The following METAP1D variants were observed in gnomAD, a reference collection of about 807,000 sequenced individuals.
METAP1D encodes the protein methionine aminopeptidase 1D, mitochondrial.
A neutral mutation model predicts 40.5 loss-of-function variants in METAP1D; 31 were observed. That is an observed-to-expected ratio of 0.77 (90% CI 0.58 to 1.03). The LOEUF (loss-of-function observed/expected upper bound fraction) is 1.03, where lower values mean the gene tolerates loss of function less well. METAP1D is among the 50% of genes least tolerant of loss of function. The pLI, the probability that METAP1D is intolerant of heterozygous loss-of-function variation, is 0.00. For synonymous variants in METAP1D, 151 were observed against 146.4 expected (o/e 1.03, Z -0.22); for missense variants, 411 against 420.7 (o/e 0.98, Z 0.20).
At chr2:172,021,071 A>G (rs62183813) in intron 1 of METAP1D, among the ~76,000 whole-genome samples, 36,232 of 152,086 alleles carry the variant, frequency 0.24, 5,000 homozygotes, top group Middle Eastern at 0.38. Context: ...GTACTTGTCT[A>G]CAAGGCAGAG....
At chr2:172,013,823 CTTTTTTTTTTTT>C (rs35639666) in intron 1 of METAP1D, among the ~76,000 whole-genome samples, 6 of 127,824 alleles carry the variant, frequency 4.7e-5, no homozygotes, top group South Asian at 5.0e-4. Flanking sequence ...CTTTTTTTTT[CTTTTTTTTTTTT>C]TTTGAGACAG....
chr2:172,021,583 T>A (rs1392602926), intron 1 of METAP1D, among the ~76,000 whole-genome samples: 2 of 152,210 alleles, frequency 1.3e-5, no homozygotes, highest in Non-Finnish European at 2.9e-5. Context: ...GTGGGGTGTT[T>A]ACACAAAGGT....
chr2:172,076,572 G>A (rs1025605751), intron 6 of METAP1D, among the ~76,000 whole-genome samples: 2 of 152,214 alleles, frequency 1.3e-5, no homozygotes, highest in Non-Finnish European at 2.9e-5. Context: ...TGCACTAACA[G>A]TTACATCAAA....
At chr2:172,074,235 C>T (rs1690491873) in intron 6 of METAP1D, among the ~76,000 whole-genome samples, 1 of 152,074 alleles carries the variant, frequency 6.6e-6, no homozygotes, top group Admixed American at 6.5e-5. Context: ...ATAATTTAAA[C>T]TTGTAAATGT....
chr2:172,005,889 A>G (rs994487454), intron 1 of METAP1D, among the ~76,000 whole-genome samples: 1 of 152,062 alleles, frequency 6.6e-6, no homozygotes, highest in East Asian at 1.9e-4. Context: ...CTGTACTACA[A>G]ATAGTTCTGT....
At chr2:172,014,778 G>A (rs924448699) in intron 1 of METAP1D, among the ~76,000 whole-genome samples, 2 of 151,648 alleles carry the variant, frequency 1.3e-5, no homozygotes, top group East Asian at 1.9e-4. Context: ...TCAGCCTCCC[G>A]AGTAGCTGGG....
rs1392581462 is a variant in METAP1D, at chr2:172,045,805, G to A, written c.41-15693G>A. ...TGTATGTATATGTATATATGTGTGT[G>A]TGTGTGTGTGTGTGTATATATATAT... On this transcript the variant is annotated intron_variant, in intron 1 of 9. Coordinates refer to ENST00000315796, the MANE Select transcript of METAP1D (RefSeq NM_199227.3). 1.7e-4 allele frequency among the ~76,000 whole-genome samples: 5 copies of A among 29,810 alleles called. No individual in the cohort carries two copies. The South Asian group carries it at 5.4e-3, about 32-fold the overall frequency. 19.6% of individuals were successfully genotyped at this position (29,810 alleles called of 152,430 possible). A position where few individuals can be genotyped will look rare whatever the true frequency, so the allele number is the denominator to read the frequency against.
chr2:172,023,117 G>A (rs1375998834), intron 1 of METAP1D, among the ~76,000 whole-genome samples: 1 of 152,212 alleles, frequency 6.6e-6, no homozygotes, highest in African/African-American at 2.4e-5. Flanking sequence ...GAACCCAGGA[G>A]GCGGAGGTTG....
chr2:172,048,928 G>A (rs1213900688), intron 1 of METAP1D, among the ~76,000 whole-genome samples: 4 of 152,120 alleles, frequency 2.6e-5, no homozygotes, highest in African/African-American at 7.2e-5. Context: ...CAGATAAAGA[G>A]TACATGTTTT....
chr2:172,007,856 AT>A (rs2105374243), intron 1 of METAP1D, among the ~76,000 whole-genome samples: 2 of 152,008 alleles, frequency 1.3e-5, no homozygotes, highest in South Asian at 4.2e-4. Context: ...CACCCGGCTA[AT>A]TTTTGTATTT....
chr2:172,063,820 T>A lies in METAP1D; in HGVS notation c.308T>A (p.Leu103Gln). ...QIQGLHQACQLARHVLLLAGK... is the reference protein window; with the variant it reads ...QIQGLHQACQQARHVLLLAGK... ...CAAGGGCTTCATCAGGCTTGTCAGC[T>A]GGCCCGCCACGTCCTCCTCTTGGCT... The change falls in exon 3 of 10, where the codon CTG (leucine) becomes CAG (glutamine). Residue 103 changes from leucine (L) to glutamine (Q), a missense_variant. By Grantham distance (113) the Leu-to-Gln change is moderately radical (BLOSUM62 -2). Transcript: ENST00000315796. 1 of 1,613,898 alleles carries A rather than the reference T, an allele frequency of 6.2e-7. No homozygotes were observed. Among genetic ancestry groups the A allele is most frequent in the Non-Finnish European group, 8.5e-7 (1 of 1,179,902 alleles).
chr2:172,033,817 C>T (rs1689299882), intron 1 of METAP1D, among the ~76,000 whole-genome samples: 2 of 152,014 alleles, frequency 1.3e-5, no homozygotes, highest in South Asian at 2.1e-4. Context: ...TATGGTGGCT[C>T]ACGGCCTCCA....
chr2:172,064,071 T>A, intron 3 of METAP1D: 2 of 562,420 alleles, frequency 3.6e-6, no homozygotes, highest in Non-Finnish European at 5.3e-6. Context: ...AGAAGTAATT[T>A]AAAATCCAAA....
At chr2:172,065,287 C>T (rs1157199340) in intron 3 of METAP1D, among the ~76,000 whole-genome samples, 3 of 152,200 alleles carry the variant, frequency 2.0e-5, no homozygotes, top group Middle Eastern at 3.4e-3. Flanking sequence ...AAGGAATTGC[C>T]GAAGAACATA....
chr2:172,038,358 G>C lies in METAP1D; in HGVS notation c.41-23140G>C, dbSNP rs542567052. 1.9e-3 allele frequency among the ~76,000 whole-genome samples: 286 copies of C among 152,204 alleles called. 1 individual carries two copies. Among genetic ancestry groups the C allele is most frequent in the African/African-American group, 6.6e-3 (274 of 41,540 alleles). On this transcript the variant is annotated intron_variant, in intron 1 of 9. Transcript: ENST00000315796. The stretch of plus-strand genomic sequence containing the variant: ...ATGCATTCCAAACAGCTAAGACCAC[G>C]TATTTATCTTAGTGTAGAGCTAACT...
chr2:172,025,734 G>A (rs1488493110), intron 1 of METAP1D, among the ~76,000 whole-genome samples: 1 of 151,760 alleles, frequency 6.6e-6, no homozygotes, highest in East Asian at 1.9e-4. Context: ...TAAGAGTCTG[G>A]GTCGCTTCGT....
intron 5 of METAP1D, among the ~76,000 whole-genome samples, chr2:172,069,093 AT>A (rs1241357034): frequency 1.3e-5 from 2 of 151,766 alleles, no homozygotes; most frequent in African/African-American, 4.8e-5. Context: ...TAATTTTTTA[AT>A]TTTGTAGAGA....
intron 5 of METAP1D, 199 bp from the exon 6 acceptor site, chr2:172,070,708 G>C: frequency 3.7e-6 from 1 of 270,092 alleles, no homozygotes; most frequent in Non-Finnish European, 6.9e-6. Flanking sequence ...TTTAAATTTT[G>C]CAATATCATT....
chr2:172,042,154 T>C lies in METAP1D; in HGVS notation c.41-19344T>C, dbSNP rs140200198. ...ATATATGTATATATACATATGTATGTGTACATGTGTACACATATACATATG... is the reference window on the plus strand; with the variant it reads ...ATATATGTATATATACATATGTATGCGTACATGTGTACACATATACATATG... On this transcript the variant is annotated intron_variant, in intron 1 of 9. Coordinates refer to ENST00000315796, the MANE Select transcript of METAP1D (RefSeq NM_199227.3). 0.023 allele frequency among the ~76,000 whole-genome samples: 2,448 copies of C among 107,150 alleles called. 982 individuals carry two copies. In the East Asian group the frequency reaches 0.49, roughly 21 times the overall value. The allele number at this position is 107,150 out of a possible 152,430, so 70.3% of individuals were successfully genotyped here.
Sources: gnomAD v4.1 joint callset for allele counts (sites outside exome capture counted in the v4.1 genomes callset) on GRCh38, gnomAD v4.1.1 for gene constraint, MANE v1.5 for transcripts, NCBI Gene and HGNC (gene_info 2026-07-23, HGNC 2026-07-21) for gene names.